Variants in SLC35B4 observed in about 807,000 individuals in gnomAD.
SLC35B4 encodes the protein nucleotide sugar transporter SLC35B4.
In SLC35B4, 28 loss-of-function variants were observed where a neutral mutation model predicts 39.5. That is an observed-to-expected ratio of 0.71 (90% CI 0.53 to 0.97). The LOEUF (loss-of-function observed/expected upper bound fraction) is 0.97. Ranked by LOEUF, SLC35B4 falls within the 50% of genes least tolerant of loss-of-function variation. The probability of loss-of-function intolerance (pLI) is 0.00; values close to 1 mark genes in which losing one functional copy is unlikely to be tolerated. For synonymous variants in SLC35B4, 145 were observed against 150.4 expected (o/e 0.96, Z 0.26); for missense variants, 334 against 414.3 (o/e 0.81, Z 1.68).
chr7:134,319,453 C>T (rs909362283), upstream of SLC35B4, among the ~76,000 whole-genome samples: 1 of 152,172 alleles, frequency 6.6e-6, no homozygotes, highest in Non-Finnish European at 1.5e-5. Context: ...TTACGCTTTC[C>T]AGTTTCCTTA....
intron 1 of SLC35B4, among the ~76,000 whole-genome samples, chr7:134,311,893 A>G (rs1803849021): frequency 6.6e-6 from 1 of 152,178 alleles, no homozygotes. Flanking sequence ...TCAGGTGCTG[A>G]CACAAGGTTG....
At chr7:134,301,104 C>T (rs1276487297) in intron 6 of SLC35B4, among the ~76,000 whole-genome samples, 1 of 152,156 alleles carries the variant, frequency 6.6e-6, no homozygotes, top group African/African-American at 2.4e-5. Flanking sequence ...GATAAAGTCT[C>T]AAAGCCAAGA....
Position 134,290,622 on chromosome 7 carries a change from GA to G in SLC35B4, c.*4210del, listed in dbSNP as rs1197439704. ...CACACTGAACACATTTGAGGCTTAT[GA>G]CTGGTTCTTTTACTTACAAATATTG... On this transcript the variant is annotated 3_prime_UTR_variant, in exon 10 of 10. Coordinates refer to ENST00000378509, the MANE Select transcript of SLC35B4 (RefSeq NM_032826.5). The G allele has an allele frequency of 6.6e-6, 1 of 152,164 alleles. No homozygotes were observed. Among genetic ancestry groups the G allele is most frequent in the Non-Finnish European group, 1.5e-5 (1 of 68,032 alleles). 9.4% of individuals were successfully genotyped at this position (152,164 alleles called of 1,614,324 possible).
In SLC35B4 at chr7:134,293,147, T is replaced by TACACACACACACACACACACACACAC. The variant is rs57402927; in HGVS notation, c.*1685_*1686insGTGTGTGTGTGTGTGTGTGTGTGTGT. 9.3e-5 allele frequency: 14 copies of TACACACACACACACACACACACACAC among 150,628 alleles called. No individual in the cohort carries two copies. Among genetic ancestry groups the TACACACACACACACACACACACACAC allele is most frequent in the African/African-American group, 2.9e-4 (12 of 41,052 alleles). 9.3% of individuals were successfully genotyped at this position (150,628 alleles called of 1,614,324 possible). A position where few individuals can be genotyped will look rare whatever the true frequency, so the allele number is the denominator to read the frequency against. ...TGTGCACCACACACACACACATACA[T>TACACACACACACACACACACACACAC]ACACACACACACACACAGTCTTTGT... On this transcript the variant is annotated 3_prime_UTR_variant, in exon 10 of 10. Coordinates refer to ENST00000378509, the MANE Select transcript of SLC35B4 (RefSeq NM_032826.5).
intron 1 of SLC35B4, among the ~76,000 whole-genome samples, chr7:134,311,559 G>A (rs1416107730): frequency 6.6e-6 from 1 of 152,178 alleles, no homozygotes. Flanking sequence ...GGAGGCTGAG[G>A]CAGGAGAATC....
At chr7:134,295,671 G>A (rs115846207) in intron 9 of SLC35B4, among the ~76,000 whole-genome samples, 4 of 151,450 alleles carry the variant, frequency 2.6e-5, no homozygotes, top group Non-Finnish European at 4.4e-5. Flanking sequence ...CTGCAGCCTC[G>A]ATCTCCTGGG....
intron 1 of SLC35B4, among the ~76,000 whole-genome samples, chr7:134,315,772 G>T (rs2117327069): frequency 6.6e-6 from 1 of 152,206 alleles, no homozygotes; most frequent in South Asian, 2.1e-4. Flanking sequence ...TTGTTTTACT[G>T]CCAGGAAAAG....
chr7:134,308,689 T>C (rs1803767301), intron 2 of SLC35B4, among the ~76,000 whole-genome samples: 2 of 152,136 alleles, frequency 1.3e-5, no homozygotes, highest in South Asian at 4.1e-4. Context: ...TACTAAATAC[T>C]CACAACTGGA....
intron 4 of SLC35B4, among the ~76,000 whole-genome samples, chr7:134,303,403 C>A (rs141505380): frequency 6.6e-6 from 1 of 151,788 alleles, no homozygotes; most frequent in Non-Finnish European, 1.5e-5. Flanking sequence ...TGTCCCAAGG[C>A]GAATTCCACA....
At chr7:134,304,646 T>C (rs1399546764) in intron 4 of SLC35B4, among the ~76,000 whole-genome samples, 159 bp downstream of exon 4, 2 of 151,976 alleles carry the variant, frequency 1.3e-5, no homozygotes, top group Non-Finnish European at 2.9e-5. Flanking sequence ...CTTCAGGACA[T>C]TGCATGATTG....
upstream of SLC35B4, among the ~76,000 whole-genome samples, chr7:134,319,622 C>T (rs569328313): frequency 4.6e-5 from 7 of 152,252 alleles, no homozygotes; most frequent in East Asian, 1.4e-3. Flanking sequence ...CTATGTACAG[C>T]CCCCATCTCC....
At position 134,313,491 on chromosome 7, in the gene SLC35B4, A is replaced by T. The variant is rs531299618; in HGVS notation, c.77+3184T>A. On this transcript the variant is annotated intron_variant, in intron 1 of 9. Transcript: ENST00000378509. ...GCCTAGTTAGTTAGCTGGTGTGTGT[A>T]TATCTTGTTTCCAAGGTAGAATGTA... Among the ~76,000 whole-genome samples, 9 of 152,304 alleles carry T rather than the reference A, an allele frequency of 5.9e-5. No homozygotes were observed. The South Asian group carries it at 1.7e-3, about 28-fold the overall frequency.
At position 134,309,384 on chromosome 7, in the gene SLC35B4, G is replaced by C. The variant is rs146086797; in HGVS notation, c.173C>G (p.Pro58Arg). The change falls in exon 2 of 10, where the codon CCA becomes CGA. Residue 58 changes from proline (P) to arginine (R), a missense_variant. Transcript: ENST00000378509. ...FLFEADLGRK[P>R]PAIPIRYYAI... ...ACCATACCTTATTGGGATAGCTGGT[G>C]GCTTCCTTCCCAAATCAGCTTCAAA... The C allele has an allele frequency of 2.8e-5, 45 of 1,608,596 alleles. No homozygotes were observed. The highest frequency in any genetic ancestry group is 1.1e-5 in the South Asian group (1 of 90,362).
intron 1 of SLC35B4, among the ~76,000 whole-genome samples, chr7:134,311,860 A>G (rs772032882): frequency 5.9e-5 from 9 of 152,192 alleles, no homozygotes; most frequent in Non-Finnish European, 1.0e-4. Context: ...GTGTCGCTGT[A>G]TATGTGAATG....
In SLC35B4 at chr7:134,295,025, G is replaced by A. The variant is rs199959142; in HGVS notation, c.804C>T (p.Thr268=). 59 of 1,614,178 alleles carry A rather than the reference G, an allele frequency of 3.7e-5. No individual in the cohort carries two copies. Among genetic ancestry groups the A allele is most frequent in the South Asian group, 2.2e-4 (20 of 91,066 alleles). The change falls in exon 10 of 10, where the codon ACC becomes ACT. Residue 268 remains threonine, a synonymous_variant. Coordinates refer to ENST00000378509, the MANE Select transcript of SLC35B4 (RefSeq NM_032826.5). ...FILTTECASL[T]VTLVVTLRKF... is the part of the protein sequence containing the mutation. ...TGCGTAGGGTCACGACGAGCGTGAC[G>A]GTGAGGGAGGCGCATTCTGTGGTGA...
At position 134,305,365 on chromosome 7, in the gene SLC35B4, T is replaced by A. The variant is rs1217565546; in HGVS notation, c.295-511A>T. On this transcript the variant is annotated intron_variant, in intron 3 of 9. Transcript: ENST00000378509. ...ATATATATATATTTAAAAAACCTTT[T>A]AAAGATGACAATGAGAATAAAAAGG... Among the ~76,000 whole-genome samples the A allele has an allele frequency of 1.3e-4, 19 of 150,670 alleles. No individual in the cohort carries two copies. In the East Asian group the frequency reaches 2.9e-3, roughly 23 times the overall value.
At chr7:134,305,335 C>T (rs879837958) in intron 3 of SLC35B4, among the ~76,000 whole-genome samples, 15 of 99,208 alleles carry the variant, frequency 1.5e-4, no homozygotes, top group Non-Finnish European at 2.4e-4. Flanking sequence ...CAAAAATATA[C>T]GTATATATAT....
Position 134,289,386 on chromosome 7 carries a change from T to G in SLC35B4, c.*5447A>C, listed in dbSNP as rs1389488127. 2.0e-5 allele frequency: 3 copies of G among 152,684 alleles called. No individual in the cohort carries two copies. In the East Asian group the frequency reaches 5.8e-4, roughly 29 times the overall value. The allele number at this position is 152,684 out of a possible 1,614,324, so 9.5% of individuals were successfully genotyped here. A position where few individuals can be genotyped will look rare whatever the true frequency, so the allele number is the denominator to read the frequency against. ...AATCTCCCATTCCTCCTTAACTCTC[T>G]GCTCAAATAACTCTTAAGGCTGGAA... is the stretch of plus-strand genomic sequence containing the variant. On this transcript the variant is annotated 3_prime_UTR_variant, in exon 10 of 10. Transcript: ENST00000378509.
rs188611344 is a variant in SLC35B4 at position 134,294,753 on chromosome 7, T to C, written c.*80A>G. ...CTCAGCACTGCGGGTAGCTCGGCAT[T>C]AACAAAAGCGAAACGGTGGTCAGAC... On this transcript the variant is annotated 3_prime_UTR_variant, in exon 10 of 10. Transcript: ENST00000378509. 27 of 1,561,160 alleles carry C rather than the reference T, an allele frequency of 1.7e-5. No homozygotes were observed. In the African/African-American group the frequency reaches 3.5e-4, roughly 20 times the overall value.
Sources: gnomAD v4.1 joint callset for allele counts (sites outside exome capture counted in the v4.1 genomes callset) on GRCh38, gnomAD v4.1.1 for gene constraint, MANE v1.5 for transcripts, NCBI Gene and HGNC (gene_info 2026-07-23, HGNC 2026-07-21) for gene names.